Variants in VNN1 observed in about 807,000 individuals in gnomAD.
VNN1 encodes pantetheinase.
VNN1 carries 29 observed loss-of-function variants against 41.9 expected under a neutral mutation model. The ratio of observed to expected loss-of-function variants is 0.69; its 90% CI spans 0.52 to 0.94. The LOEUF (loss-of-function observed/expected upper bound fraction) is 0.94, where lower values mean the gene tolerates loss of function less well. VNN1 is among the 40% of genes least tolerant of loss of function. VNN1 has a pLI of 0.00. For synonymous variants in VNN1, 233 were observed against 224.4 expected (o/e 1.04, Z -0.34); for missense variants, 637 against 621.1 (o/e 1.03, Z -0.27).
chr6:132,705,370 G>T (rs547910315), intron 2 of VNN1, among the ~76,000 whole-genome samples: 2 of 152,212 alleles, frequency 1.3e-5, no homozygotes, highest in South Asian at 4.1e-4. Flanking sequence ...GGTTCAACAT[G>T]CACAAATCAA....
chr6:132,692,334 T>C lies in VNN1; in HGVS notation c.1077A>G (p.Lys359=). ...GVAGNYTVCQ[K]DLCCHLSYKM... is the part of the protein sequence containing the mutation. ...TGTAGCTTAAATGACAGCAGAGATC[T>C]TTCTGACAAACTGTATAATTTCCTG... The change falls in exon 5 of 7, where the codon AAA becomes AAG. Residue 359 remains lysine, a synonymous_variant. Transcript: ENST00000367928. 2 of 1,614,214 alleles carry C rather than the reference T, an allele frequency of 1.2e-6. No homozygotes were observed. Among genetic ancestry groups the C allele is most frequent in the Non-Finnish European group, 1.7e-6 (2 of 1,180,014 alleles).
At chr6:132,689,110 T>A (rs1014929234) in intron 5 of VNN1, among the ~76,000 whole-genome samples, 7 of 152,156 alleles carry the variant, frequency 4.6e-5, no homozygotes, top group African/African-American at 1.7e-4. Flanking sequence ...GGTCACAAAC[T>A]CCTGATCTCA....
At chr6:132,702,730 C>A (rs529352071) in intron 2 of VNN1, among the ~76,000 whole-genome samples, 1 of 152,286 alleles carries the variant, frequency 6.6e-6, no homozygotes, top group South Asian at 2.1e-4. Context: ...CCAACCCAGG[C>A]CCTAGCTCCC....
intron 2 of VNN1, among the ~76,000 whole-genome samples, chr6:132,696,302 A>C (rs1225319218): frequency 1.3e-5 from 2 of 152,212 alleles, no homozygotes; most frequent in East Asian, 1.9e-4. Flanking sequence ...AACAACAAAA[A>C]ATATTAAAGA....
At chr6:132,691,961 A>G (rs1778292652) in intron 5 of VNN1, among the ~76,000 whole-genome samples, 1 of 151,410 alleles carries the variant, frequency 6.6e-6, no homozygotes, top group Admixed American at 6.6e-5. Flanking sequence ...GAGCTGATGC[A>G]CCACTGCACT....
chr6:132,692,789 T>C (rs896281215), intron 4 of VNN1, among the ~76,000 whole-genome samples: 4 of 150,348 alleles, frequency 2.7e-5, no homozygotes, highest in Non-Finnish European at 5.9e-5. Context: ...GAAGGGAGAG[T>C]TGTATGTAAG....
Position 132,694,132 on chromosome 6 carries a change from T to C in VNN1, c.392A>G (p.Asn131Ser), listed in dbSNP as rs2272996. 432,006 of 1,613,480 alleles carry C rather than the reference T, an allele frequency of 0.27. 59,470 individuals are homozygous for C. The highest frequency in any genetic ancestry group is 0.4 in the East Asian group (18,024 of 44,858). ...AATATTTGCCACAACATAGATAGAG[T>C]TGTTCTTGGCCAGGCAGCTGAGTCT... The part of the protein sequence containing the change: ...QERLSCLAKN[N>S]SIYVVANIGD... The change falls in exon 3 of 7, where the codon AAC (asparagine) becomes AGC (serine). Residue 131 changes from asparagine to serine, a missense_variant. Transcript: ENST00000367928.
rs1030189520 is a variant in VNN1 at position 132,682,861 on chromosome 6, A to G, written c.*279T>C. On this transcript the variant is annotated 3_prime_UTR_variant, in exon 7 of 7. Transcript: ENST00000367928. The stretch of plus-strand genomic sequence containing the variant: ...GATAGTTCTTATGTTTTCTACCCGT[A>G]GTTTTTATTTCTTCTGCGTAAAAGA... The G allele has an allele frequency of 2.4e-5, 5 of 205,440 alleles. No individual in the cohort carries two copies. The highest frequency in any genetic ancestry group is 2.9e-5 in the Non-Finnish European group (3 of 104,482). 12.7% of individuals were successfully genotyped at this position (205,440 alleles called of 1,614,324 possible). A position where few individuals can be genotyped will look rare whatever the true frequency, so the allele number is the denominator to read the frequency against.
In VNN1 at chr6:132,707,157, C is replaced by T. The variant is rs527827965; in HGVS notation, c.341+4552G>A. Among the ~76,000 whole-genome samples, 10 of 149,624 alleles carry T rather than the reference C, an allele frequency of 6.7e-5. No individual in the cohort carries two copies. In the East Asian group the frequency reaches 1.8e-3, roughly 27 times the overall value. Reference sequence around the variant, plus strand: ...AGGAGAATTGCTTGAACCCAGGAGGCAGAGGTTGCAGTGAGCCAAGATGGC... The same window carrying T: ...AGGAGAATTGCTTGAACCCAGGAGGTAGAGGTTGCAGTGAGCCAAGATGGC... On this transcript the variant is annotated intron_variant, in intron 2 of 6. Transcript: ENST00000367928.
chr6:132,683,000 G>T lies in VNN1; in HGVS notation c.*140C>A. 1 of 595,720 alleles carries T rather than the reference G, an allele frequency of 1.7e-6. No individual in the cohort carries two copies. The allele number at this position is 595,720 out of a possible 1,614,324, so 36.9% of individuals were successfully genotyped here. On this transcript the variant is annotated 3_prime_UTR_variant, in exon 7 of 7. Coordinates refer to ENST00000367928, the MANE Select transcript of VNN1 (RefSeq NM_004666.3). ...ATAATTTATTAAGTTTATATTATCT[G>T]GTGTGTGTGTGTTTGTCTAAATAAA...
intron 2 of VNN1, among the ~76,000 whole-genome samples, chr6:132,697,999 C>CT (rs1475657187): frequency 1.6e-4 from 24 of 152,336 alleles, no homozygotes; most frequent in Non-Finnish European, 1.6e-4. Context: ...CCTACTGACT[C>CT]TATTAGTCTT....
intron 2 of VNN1, among the ~76,000 whole-genome samples, chr6:132,697,314 T>C (rs2247285): frequency 0.43 from 65,639 of 151,626 alleles, 15,333 homozygotes; most frequent in African/African-American, 0.6. Flanking sequence ...ACACGGAGTG[T>C]AGAATGTACT....
rs148127174 is a variant in VNN1, at chr6:132,694,004, C to A, written c.520G>T (p.Ala174Ser). 3.5e-4 allele frequency: 569 copies of A among 1,613,992 alleles called. 1 individual carries two copies. Among genetic ancestry groups the A allele is most frequent in the Non-Finnish European group, 4.3e-4 (503 of 1,179,998 alleles). ...ATTAATTTTACCTTATGGTAGCGTG[C>A]CACCAGTTTTCCTTGAGAATCAAAT... The part of the protein sequence containing the change: ...VVFDSQGKLV[A>S]RYHKQNLFMG... The change falls in exon 3 of 7, where the codon GCA (alanine) becomes TCA (serine). Residue 174 changes from alanine to serine, a missense_variant. Coordinates refer to ENST00000367928, the MANE Select transcript of VNN1 (RefSeq NM_004666.3).
intron 5 of VNN1, among the ~76,000 whole-genome samples, chr6:132,689,587 C>T (rs981143352): frequency 1.3e-5 from 2 of 152,090 alleles, no homozygotes; most frequent in African/African-American, 2.4e-5. Flanking sequence ...TTAAATTTTC[C>T]TTTATTTCTT....
At chr6:132,692,011 A>G (rs964643463) in intron 5 of VNN1, among the ~76,000 whole-genome samples, 1 of 152,150 alleles carries the variant, frequency 6.6e-6, no homozygotes, top group African/African-American at 2.4e-5. Flanking sequence ...CTCAAAAAAA[A>G]AAAAAAAAGA....
intron 2 of VNN1, among the ~76,000 whole-genome samples, chr6:132,706,118 C>T (rs958721958): frequency 7.2e-5 from 11 of 152,100 alleles, no homozygotes; most frequent in Admixed American, 3.9e-4. Flanking sequence ...ATGCAATCTC[C>T]ATCAAAATAC....
chr6:132,704,744 C>A (rs6915807), intron 2 of VNN1, among the ~76,000 whole-genome samples: 88,364 of 151,310 alleles, frequency 0.58, 28,456 homozygotes, highest in African/African-American at 0.86. Context: ...TAAAAAACAT[C>A]CAAAAAAAAC....
At chr6:132,698,843 G>T in intron 2 of VNN1, 2 of 225,702 alleles carry the variant, frequency 8.9e-6, no homozygotes, top group South Asian at 1.7e-4. Context: ...TGCCTTGTTG[G>T]AACTGAAGTC....
At chr6:132,692,899 A>G (rs1778312683) in intron 4 of VNN1, 125 bp downstream of exon 4, 1 of 1,126,454 alleles carries the variant, frequency 8.9e-7, no homozygotes, top group Non-Finnish European at 1.2e-6. Flanking sequence ...TAACAGCTAG[A>G]TGTTCAAAAA....
Sources: gnomAD v4.1 joint callset for allele counts (sites outside exome capture counted in the v4.1 genomes callset) on GRCh38, gnomAD v4.1.1 for gene constraint, MANE v1.5 for transcripts, NCBI Gene and HGNC (gene_info 2026-07-23, HGNC 2026-07-21) for gene names.